The following GRIA2 variants were observed in gnomAD, a reference collection of about 807,000 sequenced individuals.
GRIA2 encodes glutamate ionotropic receptor AMPA type subunit 2.
GRIA2 carries 14 observed loss-of-function variants against 97.3 expected under a neutral mutation model. That is an observed-to-expected ratio of 0.14 (90% CI 0.10 to 0.23). GRIA2 has a LOEUF of 0.23. GRIA2 is among the 10% of genes least tolerant of loss of function. The probability of loss-of-function intolerance (pLI) is 1.00; values close to 1 mark genes in which losing one functional copy is unlikely to be tolerated. For missense variants in GRIA2, 558 were observed against 1,069.8 expected, an observed-to-expected ratio of 0.52 and a Z score of 6.67; for synonymous variants, 412 against 387.8, an observed-to-expected ratio of 1.06 and a Z score of -0.73.
chr4:157,237,999 A>G (rs1730329743), intron 2 of GRIA2, among the ~76,000 whole-genome samples: 1 of 152,148 alleles, frequency 6.6e-6, no homozygotes. Context: ...GTGTTCACAA[A>G]TAGAATGTTA....
intron 2 of GRIA2, among the ~76,000 whole-genome samples, chr4:157,261,609 G>A (rs1295261872): frequency 6.6e-6 from 1 of 152,056 alleles, no homozygotes; most frequent in Non-Finnish European, 1.5e-5. Context: ...TGTCACATAA[G>A]CCAGTTTGCT....
chr4:157,333,217 A>G (rs113378576), intron 7 of GRIA2, 32 bp from the exon 8 acceptor site: 2 of 1,274,658 alleles, frequency 1.6e-6, no homozygotes, highest in African/African-American at 3.0e-5. Flanking sequence ...AAGTAAATAT[A>G]TAACTCTGCT....
chr4:157,257,917 T>C (rs1005851233), intron 2 of GRIA2, among the ~76,000 whole-genome samples: 4 of 152,086 alleles, frequency 2.6e-5, no homozygotes, highest in Non-Finnish European at 5.9e-5. Context: ...ACCAAATTAA[T>C]ACTTTTATAA....
At chr4:157,221,502 C>T in intron 1 of GRIA2, 165 bp from the exon 2 acceptor site, 1 of 704,826 alleles carries the variant, frequency 1.4e-6, no homozygotes, top group East Asian at 2.6e-5. Context: ...GACCCCTTGG[C>T]TAGCTTTTGG....
Position 157,360,082 on chromosome 4 carries a change from G to C in GRIA2, c.2230G>C (p.Val744Leu), listed in dbSNP as rs1736569316. ...AAGGAAGCCTTGCGACACCATGAAA[G>C]TTGGTGGAAACCTGGATTCCAAAGG... Reference protein sequence around the residue: ...EQRKPCDTMKVGGNLDSKGYG... With the variant: ...EQRKPCDTMKLGGNLDSKGYG... The change falls in exon 13 of 16, where the codon GTT (valine) becomes CTT (leucine). Residue 744 changes from valine to leucine, a missense_variant. Physicochemically the swap from Val to Leu is conservative, Grantham distance 32. This residue lies in a region of GRIA2 where 125 missense variants were observed against 310.2 expected (regional missense o/e 0.40). Transcript: ENST00000264426. 1 of 1,613,816 alleles carries C rather than the reference G, an allele frequency of 6.2e-7. No homozygotes were observed. Among genetic ancestry groups the C allele is most frequent in the South Asian group, 1.1e-5 (1 of 91,088 alleles).
At chr4:157,255,551 C>T (rs1025892249) in intron 2 of GRIA2, among the ~76,000 whole-genome samples, 8 of 151,932 alleles carry the variant, frequency 5.3e-5, no homozygotes, top group East Asian at 1.9e-4. Context: ...CTTTTCTCTG[C>T]GTCCTCACCA....
chr4:157,336,767 CA>C lies in GRIA2; in HGVS notation c.1844+22del. On this transcript the variant is annotated intron_variant, in intron 11 of 15. Transcript: ENST00000264426. The stretch of plus-strand genomic sequence containing the variant: ...GCCAAGGTTGGTTACTCACCTGCTT[CA>C]ACTTTGTGCATTTCAGGTCTCAAGT... The C allele has an allele frequency of 6.3e-7, 1 of 1,595,800 alleles. No individual in the cohort carries two copies. The highest frequency in any genetic ancestry group is 8.5e-7 in the Non-Finnish European group (1 of 1,170,330).
chr4:157,256,559 G>A (rs1731284146), intron 2 of GRIA2, among the ~76,000 whole-genome samples: 1 of 151,482 alleles, frequency 6.6e-6, no homozygotes, highest in African/African-American at 2.4e-5. Context: ...AATAAATTCT[G>A]AAATTATGAT....
chr4:157,303,443 A>T (rs963838348), intron 2 of GRIA2, 109 bp from the exon 3 acceptor site: 1 of 823,392 alleles, frequency 1.2e-6, no homozygotes, highest in African/African-American at 1.7e-5. Flanking sequence ...ATTTCTTTCA[A>T]TATGTTAATT....
chr4:157,233,835 G>A (rs187016259), intron 2 of GRIA2, among the ~76,000 whole-genome samples: 9 of 151,948 alleles, frequency 5.9e-5, no homozygotes, highest in African/African-American at 1.9e-4. Flanking sequence ...CCTCACTGTC[G>A]CTCTGTAAAG....
intron 6 of GRIA2, 34 bp downstream of exon 6, chr4:157,321,633 C>G: frequency 6.7e-7 from 1 of 1,491,216 alleles, no homozygotes. Flanking sequence ...CTTTTTCTTT[C>G]ATATGTGAGG....
intron 2 of GRIA2, among the ~76,000 whole-genome samples, chr4:157,288,857 A>C (rs1382959670): frequency 6.6e-6 from 1 of 151,810 alleles, no homozygotes; most frequent in Admixed American, 6.6e-5. Context: ...GGAAATAAAT[A>C]TTTTAAAATT....
chr4:157,333,027 C>T (rs1347930399), intron 7 of GRIA2, 41 bp downstream of exon 7: 1 of 1,453,868 alleles, frequency 6.9e-7, no homozygotes, highest in East Asian at 2.3e-5. Flanking sequence ...CTTAATATGG[C>T]CATTAATGTT....
At chr4:157,255,929 A>G (rs2126753826) in intron 2 of GRIA2, among the ~76,000 whole-genome samples, 2 of 151,718 alleles carry the variant, frequency 1.3e-5, no homozygotes, top group South Asian at 2.1e-4. Flanking sequence ...TAAGCATCAG[A>G]TAAATGCAAA....
intron 2 of GRIA2, among the ~76,000 whole-genome samples, chr4:157,284,516 C>T (rs1333525280): frequency 1.3e-5 from 2 of 151,658 alleles, no homozygotes; most frequent in Non-Finnish European, 1.5e-5. Flanking sequence ...CCTGATAATG[C>T]GGCACCCAGT....
rs1448985084 is a variant in GRIA2, at chr4:157,363,603, A to T, written c.*172A>T. ...CAGTGTGACTGATCTCTCGTGATTGATAAGAACCTTTTGAGTGCCTTACAC... is the reference window on the plus strand; with the variant it reads ...CAGTGTGACTGATCTCTCGTGATTGTTAAGAACCTTTTGAGTGCCTTACAC... On this transcript the variant is annotated 3_prime_UTR_variant, in exon 16 of 16. Transcript: ENST00000264426. 15 of 1,231,126 alleles carry T rather than the reference A, an allele frequency of 1.2e-5. No individual in the cohort carries two copies. The East Asian group carries it at 4.7e-4, about 39-fold the overall frequency. The allele number at this position is 1,231,126 out of a possible 1,614,324, so 76.3% of individuals were successfully genotyped here. A position where few individuals can be genotyped will look rare whatever the true frequency, so the allele number is the denominator to read the frequency against.
chr4:157,296,813 C>T (rs1047559844), intron 2 of GRIA2, among the ~76,000 whole-genome samples: 2 of 152,152 alleles, frequency 1.3e-5, no homozygotes, highest in African/African-American at 4.8e-5. Context: ...TTATCAGTTG[C>T]CTGCTGTGTG....
chr4:157,308,451 A>G (rs979297152), intron 3 of GRIA2, among the ~76,000 whole-genome samples: 2 of 151,754 alleles, frequency 1.3e-5, no homozygotes, highest in Non-Finnish European at 1.5e-5. Context: ...TTGAGGGTTT[A>G]AAAGAACATA....
intron 3 of GRIA2, 68 bp downstream of exon 3, chr4:157,303,859 A>G: frequency 6.7e-7 from 1 of 1,499,634 alleles, no homozygotes; most frequent in Non-Finnish European, 9.3e-7. Flanking sequence ...ACTTCTATGG[A>G]TGTTATAAAG....
Sources: gnomAD v4.1 joint callset for allele counts (sites outside exome capture counted in the v4.1 genomes callset) on GRCh38, gnomAD v4.1.1 for gene constraint, gnomAD v4.1.1 regional missense constraint, MANE v1.5 for transcripts, NCBI Gene and HGNC (gene_info 2026-07-23, HGNC 2026-07-21) for gene names.